The following TPM1 variants were observed in gnomAD, a reference collection of about 807,000 sequenced individuals.
TPM1 encodes the protein tropomyosin 1.
In TPM1, 24 loss-of-function variants were observed where a neutral mutation model predicts 42.9. That is an observed-to-expected ratio of 0.56 (90% confidence interval 0.41 to 0.79). TPM1 has a LOEUF of 0.79. TPM1 is among the 30% of genes least tolerant of loss of function. The probability of loss-of-function intolerance (pLI) is 0.00; values close to 1 mark genes in which losing one functional copy is unlikely to be tolerated. For synonymous variants in TPM1, 136 were observed against 130.1 expected, an observed-to-expected ratio of 1.05 and a Z score of -0.31; for missense variants, 158 against 351.8, an observed-to-expected ratio of 0.45 and a Z score of 4.41.
chr15:63,065,210 G>A, intron 9 of TPM1: 3 of 986,174 alleles, frequency 3.0e-6, no homozygotes, highest in Non-Finnish European at 3.6e-6. Context: ...ACCTTGAACA[G>A]ATACAACTAA....
chr15:63,069,063 G>C (rs2173982), downstream of TPM1, among the ~76,000 whole-genome samples: 88,915 of 150,536 alleles, frequency 0.59, 26,566 homozygotes, highest in Admixed American at 0.67. Flanking sequence ...TGAGGCAGGA[G>C]ATTGGCATGA....
chr15:63,042,981 G>T (rs986715486), intron 1 of TPM1, 38 bp downstream of exon 1: 1 of 1,541,166 alleles, frequency 6.5e-7, no homozygotes, highest in South Asian at 1.2e-5. Flanking sequence ...CGCCCAGAGC[G>T]CCGGGACTCG....
intron 9 of TPM1, chr15:63,065,352 GC>G: frequency 1.0e-6 from 1 of 989,538 alleles, no homozygotes; most frequent in Non-Finnish European, 1.2e-6. Flanking sequence ...CATTTTCCAA[GC>G]CCACCTGTCA....
chr15:63,049,697 GC>G (rs1439340880), intron 2 of TPM1, among the ~76,000 whole-genome samples: 29 of 152,304 alleles, frequency 1.9e-4, no homozygotes, highest in African/African-American at 6.7e-4. Context: ...TGGCTGTATG[GC>G]TGGCCACAGA....
intron 2 of TPM1, among the ~76,000 whole-genome samples, chr15:63,052,624 C>G (rs1043972111): frequency 2.0e-5 from 3 of 152,212 alleles, no homozygotes; most frequent in Admixed American, 1.3e-4. Context: ...TCCCCAAATG[C>G]CTTGTTATTT....
At position 63,064,063 on chromosome 15, in the gene TPM1, G is replaced by A. The variant is rs1424099502; in HGVS notation, c.773-1G>A. Reference sequence around the variant, plus strand: ...CTCTGCCTTCCACTTCCTGGTCATAGACGAGCTGTACGCTCAGAAACTGAA... The same window carrying A: ...CTCTGCCTTCCACTTCCTGGTCATAAACGAGCTGTACGCTCAGAAACTGAA... On this transcript the variant is annotated splice_acceptor_variant, in intron 8 of 9. Coordinates refer to ENST00000403994, the MANE Select transcript of TPM1 (RefSeq NM_001018005.2). LOFTEE classifies it high-confidence loss of function. The A allele has an allele frequency of 4.3e-6, 7 of 1,613,792 alleles. No homozygotes were observed.
At chr15:63,061,103 G>A (rs912726709) in intron 5 of TPM1, 164 bp downstream of exon 5, 1 of 1,464,528 alleles carries the variant, frequency 6.8e-7, no homozygotes, top group Non-Finnish European at 9.6e-7. Flanking sequence ...GGACTCGTGT[G>A]GGGTGTCTTA....
At chr15:63,071,157 G>T (rs749574526), downstream of TPM1, 1 of 1,614,064 alleles carries the variant, frequency 6.2e-7, no homozygotes, top group Non-Finnish European at 8.5e-7. Context: ...CTTTACTGGA[G>T]TTAAACAACA....
chr15:63,062,348 C>T (rs2140971276), intron 7 of TPM1, 71 bp downstream of exon 7: 2 of 1,502,386 alleles, frequency 1.3e-6, no homozygotes, highest in Non-Finnish European at 1.9e-6. Context: ...CGGTCAGGGC[C>T]TTTTCATTTT....
intron 3 of TPM1, 90 bp from the exon 4 acceptor site, chr15:63,059,473 A>G: frequency 9.8e-7 from 1 of 1,021,480 alleles, no homozygotes; most frequent in Non-Finnish European, 1.5e-6. Flanking sequence ...TCTACCACTT[A>G]CACTAAGCCT....
chr15:63,061,311 A>G (rs1168348053), intron 5 of TPM1: 5 of 1,601,186 alleles, frequency 3.1e-6, no homozygotes, highest in Non-Finnish European at 4.3e-6. Flanking sequence ...TTTAACTGCA[A>G]CCCAGACATC....
chr15:63,059,986 T>C (rs2035393897), intron 4 of TPM1: 2 of 348,790 alleles, frequency 5.7e-6, no homozygotes, highest in Non-Finnish European at 1.1e-5. Context: ...CCCTGTGTCT[T>C]GTGAAAGGAG....
At position 63,066,153 on chromosome 15, in the gene TPM1, A is replaced by G. The variant is rs2036261955; in HGVS notation, c.*254A>G. ...TGACATTTTAGTTTCAACATTGAAT[A>G]AAACTACAAAGCTGCTTCACACATA... On this transcript the variant is annotated 3_prime_UTR_variant, in exon 10 of 10. Transcript: ENST00000403994. 1.4e-5 allele frequency: 20 copies of G among 1,459,542 alleles called. No homozygotes were observed. The highest frequency in any genetic ancestry group is 1.2e-4 in the South Asian group (8 of 69,092). 90.4% of individuals were successfully genotyped at this position (1,459,542 alleles called of 1,614,324 possible). A position where few individuals can be genotyped will look rare whatever the true frequency, so the allele number is the denominator to read the frequency against.
exon 9 of TPM1, chr15:63,071,520 G>C: frequency 2.8e-6 from 1 of 353,180 alleles, no homozygotes; most frequent in Non-Finnish European, 5.5e-6. Flanking sequence ...AACACAATCA[G>C]GTGTGGATTG....
At chr15:63,070,401 A>G, downstream of TPM1, 1 of 996,058 alleles carries the variant, frequency 1.0e-6, no homozygotes, top group Non-Finnish European at 1.2e-6. Context: ...GATTAAATGT[A>G]CCTATGCTTG....
At chr15:63,053,384 C>T (rs961571360) in intron 2 of TPM1, among the ~76,000 whole-genome samples, 1 of 152,020 alleles carries the variant, frequency 6.6e-6, no homozygotes, top group African/African-American at 2.4e-5. Context: ...CCAAGGTTTC[C>T]GTGATGTTCC....
At chr15:63,049,852 G>GTGGA (rs2033458502) in intron 2 of TPM1, among the ~76,000 whole-genome samples, 1 of 152,230 alleles carries the variant, frequency 6.6e-6, no homozygotes, top group Admixed American at 6.5e-5. Context: ...CAAAAGTCCT[G>GTGGA]TGGATATCCC....
intron 2 of TPM1, chr15:63,048,882 G>GT: frequency 1.3e-6 from 1 of 788,598 alleles, no homozygotes. Context: ...GGCCCGGCCT[G>GT]TTCTCCTGAG....
intron 2 of TPM1, chr15:63,048,622 G>A: frequency 6.5e-7 from 1 of 1,535,560 alleles, no homozygotes; most frequent in Non-Finnish European, 8.8e-7. Context: ...AAGATCCGGA[G>A]CCTGCAGGAG....
Sources: gnomAD v4.1 joint callset for allele counts (sites outside exome capture counted in the v4.1 genomes callset) on GRCh38, gnomAD v4.1.1 for gene constraint, MANE v1.5 for transcripts, NCBI Gene and HGNC (gene_info 2026-07-23, HGNC 2026-07-21) for gene names.